DSG3: variants seen among roughly 807,000 people sequenced by gnomAD.
The protein encoded by DSG3 is desmoglein 3.
In DSG3, 63 loss-of-function variants were observed where a neutral mutation model predicts 85.9. The ratio of observed to expected loss-of-function variants is 0.73; its 90% CI spans 0.60 to 0.90. DSG3 has a LOEUF of 0.90. DSG3 is among the 40% of genes least tolerant of loss of function. The pLI is 0.00. For missense variants in DSG3, 1,220 were observed against 1,219.9 expected (o/e 1.00, Z 0.00); for synonymous variants, 447 against 441.9 (o/e 1.01, Z -0.14).
chr18:31,464,058 T>G (rs999358588), intron 8 of DSG3, 53 bp from the exon 9 acceptor site: 1 of 1,544,624 alleles, frequency 6.5e-7, no homozygotes, highest in Non-Finnish European at 8.8e-7. Flanking sequence ...ATCTACTGGG[T>G]TTGCGGGAGT....
At chr18:31,462,007 G>A (rs1056836145) in intron 8 of DSG3, among the ~76,000 whole-genome samples, 5 of 152,080 alleles carry the variant, frequency 3.3e-5, no homozygotes, top group African/African-American at 1.2e-4. Context: ...ACAGCACTTT[G>A]GTTTTTCGTT....
intron 12 of DSG3, among the ~76,000 whole-genome samples, chr18:31,471,806 G>A (rs2072857171): frequency 6.6e-6 from 1 of 152,162 alleles, no homozygotes; most frequent in African/African-American, 2.4e-5. Context: ...GGAGTTTTCT[G>A]GTTAATTACT....
At position 31,459,317 on chromosome 18, in the gene DSG3, T is replaced by C. The variant is rs540182718; in HGVS notation, c.517+140T>C. The stretch of plus-strand genomic sequence containing the variant: ...GAAAAATAAAATTCATTAAGATAAA[T>C]CTGGGTCTTCCTTTCTAAAATGTGT... On this transcript the variant is annotated intron_variant, in intron 5 of 15. Coordinates refer to ENST00000257189, the MANE Select transcript of DSG3 (RefSeq NM_001944.3). 2.8e-5 allele frequency: 23 copies of C among 825,394 alleles called. No individual in the cohort carries two copies. In the African/African-American group the frequency reaches 3.3e-4, roughly 12 times the overall value. The allele number at this position is 825,394 out of a possible 1,614,324, so 51.1% of individuals were successfully genotyped here.
chr18:31,456,115 T>C (rs1440378706), intron 1 of DSG3, among the ~76,000 whole-genome samples: 1 of 152,220 alleles, frequency 6.6e-6, no homozygotes, highest in Non-Finnish European at 1.5e-5. Flanking sequence ...CCAGGAACGG[T>C]GTATAAAGCA....
chr18:31,470,231 G>C (rs1415798957), intron 12 of DSG3, among the ~76,000 whole-genome samples: 2 of 151,970 alleles, frequency 1.3e-5, no homozygotes, highest in East Asian at 1.9e-4. Flanking sequence ...CACAGTTTTA[G>C]AGTTAAAATT....
intron 3 of DSG3, among the ~76,000 whole-genome samples, chr18:31,457,926 G>A (rs914794257): frequency 6.6e-6 from 1 of 151,990 alleles, no homozygotes; most frequent in African/African-American, 2.4e-5. Context: ...ACCACGCCCA[G>A]CCTGTTATAC....
chr18:31,456,164 A>C (rs1307217784), intron 1 of DSG3, among the ~76,000 whole-genome samples: 1 of 152,218 alleles, frequency 6.6e-6, no homozygotes, highest in Non-Finnish European at 1.5e-5. Context: ...ACTGACTATT[A>C]GGCATAGTTT....
At chr18:31,448,827 T>C (rs1422007735) in intron 1 of DSG3, among the ~76,000 whole-genome samples, 2 of 149,670 alleles carry the variant, frequency 1.3e-5, no homozygotes, top group Admixed American at 1.3e-4. Flanking sequence ...ATGAAAAAAA[T>C]TGAGATAAAT....
chr18:31,457,581 CTTTCTTCTTTCT>C (rs1335369767), intron 3 of DSG3, among the ~76,000 whole-genome samples: 9,820 of 77,490 alleles, frequency 0.13, 471 homozygotes, highest in East Asian at 0.21. Flanking sequence ...TTCTTTCTTT[CTTTCTTCTTTCT>C]TTCTTTCTTT....
rs750246751 is a variant in DSG3 at position 31,464,202 on chromosome 18, G to A, written c.1091G>A (p.Arg364Gln). Residue 364 changes from arginine to glutamine, a missense_variant, in exon 9 of 16, where the codon CGA (arginine) becomes CAA (glutamine). Physicochemically the swap from Arg to Gln is conservative, Grantham distance 43. Transcript: ENST00000257189. ...EFHQSVISRY[R>Q]VQSTPVTIQV... ...CACCAATCAGTTATCTCTCGATACC[G>A]AGTTCAGTCAACCCCAGTCACAATT... 15 of 1,613,962 alleles carry A rather than the reference G, an allele frequency of 9.3e-6. No individual in the cohort carries two copies. In the East Asian group the frequency reaches 1.3e-4, roughly 14 times the overall value.
At chr18:31,452,286 C>T (rs984122520) in intron 1 of DSG3, among the ~76,000 whole-genome samples, 16 of 151,948 alleles carry the variant, frequency 1.1e-4, no homozygotes, top group Admixed American at 1.0e-3. Context: ...TTTGGGAGGC[C>T]AAGGCAGGCA....
chr18:31,475,638 T>C lies in DSG3; in HGVS notation c.2386-8T>C. The C allele has an allele frequency of 6.2e-7, 1 of 1,602,288 alleles. No homozygotes were observed. On this transcript the variant is annotated splice_polypyrimidine_tract_variant and splice_region_variant and intron_variant, in intron 15 of 15. Transcript: ENST00000257189. ...AATTCATTTTTTCCCACTTTTTCTCTGTCTTAGAAAGCATTTGCCTGTGCG... is the reference window on the plus strand; with the variant it reads ...AATTCATTTTTTCCCACTTTTTCTCCGTCTTAGAAAGCATTTGCCTGTGCG...
chr18:31,469,296 G>C lies in DSG3; in HGVS notation c.1844G>C (p.Arg615Thr). The C allele has an allele frequency of 1.2e-6, 2 of 1,613,882 alleles. No individual in the cohort carries two copies. The highest frequency in any genetic ancestry group is 8.5e-7 in the Non-Finnish European group (1 of 1,180,018). The change falls in exon 12 of 16, where the codon AGG becomes ACG. Residue 615 changes from arginine to threonine, a missense_variant. Coordinates refer to ENST00000257189, the MANE Select transcript of DSG3 (RefSeq NM_001944.3). ...GTRYGRPHSG[R>T]LGPAAIGLLL... Reference sequence around the variant, plus strand: ...AGGTATGGCAGGCCGCACTCAGGGAGGCTGGGGCCTGCCGCCATCGGCCTG... The same window carrying C: ...AGGTATGGCAGGCCGCACTCAGGGACGCTGGGGCCTGCCGCCATCGGCCTG...
intron 12 of DSG3, among the ~76,000 whole-genome samples, chr18:31,470,852 G>A (rs954821206): frequency 2.6e-5 from 4 of 152,154 alleles, no homozygotes; most frequent in African/African-American, 9.7e-5. Flanking sequence ...CACAGCCTTC[G>A]AAGGCTAAAG....
At chr18:31,455,564 G>A (rs1009777626) in intron 1 of DSG3, among the ~76,000 whole-genome samples, 12 of 152,218 alleles carry the variant, frequency 7.9e-5, no homozygotes, top group African/African-American at 2.9e-4. Context: ...CTCAGAAAAA[G>A]AGACATCAGT....
chr18:31,459,171 G>C lies in DSG3; in HGVS notation c.511G>C (p.Ala171Pro). 1.2e-6 allele frequency: 2 copies of C among 1,611,584 alleles called. No individual in the cohort carries two copies. Among genetic ancestry groups the C allele is most frequent in the Non-Finnish European group, 1.7e-6 (2 of 1,179,652 alleles). The change falls in exon 5 of 16, where the codon GCC (alanine) becomes CCC (proline). Residue 171 changes from alanine (A) to proline (P), a missense_variant. Physicochemically the swap from Ala to Pro is conservative, Grantham distance 27. Transcript: ENST00000257189. Reference sequence around the variant, plus strand: ...CATGGGTGAAATTGAAGAAAATAGTGCCTCAAGTAAGTCTTTTACAGTACT... The same window carrying C: ...CATGGGTGAAATTGAAGAAAATAGTCCCTCAAGTAAGTCTTTTACAGTACT... ...IFMGEIEENS[A>P]SNSLVMILNA...
At chr18:31,448,890 C>A (rs1295920949) in intron 1 of DSG3, among the ~76,000 whole-genome samples, 1 of 152,022 alleles carries the variant, frequency 6.6e-6, no homozygotes, top group Non-Finnish European at 1.5e-5. Context: ...TTTCTTAGCT[C>A]TCCCTAAGAT....
chr18:31,473,077 A>G (rs2072865665), intron 14 of DSG3, among the ~76,000 whole-genome samples: 2 of 152,352 alleles, frequency 1.3e-5, no homozygotes, highest in South Asian at 4.1e-4. Context: ...GCAATCAATT[A>G]CTAATTTTTT....
chr18:31,476,454 A>C lies in DSG3; in HGVS notation c.*194A>C. Reference sequence around the variant, plus strand: ...CAATATGTTGTCACTCCTAATTCTCAAGTACTATTCAAATTGTAGTAAATC... The same window carrying C: ...CAATATGTTGTCACTCCTAATTCTCCAGTACTATTCAAATTGTAGTAAATC... On this transcript the variant is annotated 3_prime_UTR_variant, in exon 16 of 16. Transcript: ENST00000257189. 6 of 524,994 alleles carry C rather than the reference A, an allele frequency of 1.1e-5. No individual in the cohort carries two copies. Among genetic ancestry groups the C allele is most frequent in the African/African-American group, 1.9e-5 (1 of 51,978 alleles). The allele number at this position is 524,994 out of a possible 1,614,324, so 32.5% of individuals were successfully genotyped here.
Sources: gnomAD v4.1 joint callset for allele counts (sites outside exome capture counted in the v4.1 genomes callset) on GRCh38, gnomAD v4.1.1 for gene constraint, MANE v1.5 for transcripts, NCBI Gene and HGNC (gene_info 2026-07-23, HGNC 2026-07-21) for gene names.